Variants in TMEM132B observed in about 807,000 individuals in gnomAD.
TMEM132B encodes the protein transmembrane protein 132B.
A neutral mutation model predicts 90.8 loss-of-function variants in TMEM132B; 18 were observed. The ratio of observed to expected loss-of-function variants is 0.20; its 90% confidence interval spans 0.14 to 0.29. TMEM132B has a LOEUF of 0.29. Ranked by LOEUF, TMEM132B falls within the 10% of genes least tolerant of loss-of-function variation. The pLI is 1.00. For synonymous variants in TMEM132B, 504 were observed against 523.3 expected, an observed-to-expected ratio of 0.96 and a Z score of 0.50; for missense variants, 1,096 against 1,326.8, an observed-to-expected ratio of 0.83 and a Z score of 2.70.
chr12:125,273,779 C>T (rs1226491267), intron 1 of TMEM132B, among the ~76,000 whole-genome samples: 1 of 152,142 alleles, frequency 6.6e-6, no homozygotes, highest in Non-Finnish European at 1.5e-5. Flanking sequence ...GATTCTCCCG[C>T]CTCAGCTTCC....
At position 125,432,397 on chromosome 12, in the gene TMEM132B, ATG is replaced by A. The variant is rs1555248760; in HGVS notation, c.1106+16722_1106+16723del. 5.3e-3 allele frequency among the ~76,000 whole-genome samples: 358 copies of A among 68,186 alleles called. 2 individuals are homozygous for A. The highest frequency in any genetic ancestry group is 7.1e-3 in the Non-Finnish European group (261 of 36,542). The allele number at this position is 68,186 out of a possible 152,430, so 44.7% of individuals were successfully genotyped here. On this transcript the variant is annotated intron_variant, in intron 3 of 8. Coordinates refer to ENST00000682704, the MANE Select transcript of TMEM132B (RefSeq NM_001366854.1). ...TATATATATATATATATATATATAT[ATG>A]TATGTATGTGTATATATATATATGT...
chr12:125,432,740 A>G (rs1162734778), intron 3 of TMEM132B, among the ~76,000 whole-genome samples: 1 of 151,990 alleles, frequency 6.6e-6, no homozygotes, highest in Non-Finnish European at 1.5e-5. Flanking sequence ...ATGAAAACTG[A>G]CAAGCACTGG....
At chr12:125,639,623 A>G (rs760562737) in intron 5 of TMEM132B, among the ~76,000 whole-genome samples, 11 of 152,270 alleles carry the variant, frequency 7.2e-5, no homozygotes, top group Non-Finnish European at 1.6e-4. Flanking sequence ...GAAGTACATT[A>G]TATAACAGAG....
chr12:125,346,298 T>C (rs536260136), intron 1 of TMEM132B, among the ~76,000 whole-genome samples: 4 of 152,364 alleles, frequency 2.6e-5, no homozygotes, highest in African/African-American at 9.6e-5. Context: ...AAACAGAGCA[T>C]ATTAAAGTTT....
intron 2 of TMEM132B, among the ~76,000 whole-genome samples, chr12:125,400,719 G>A (rs1436950372): frequency 6.6e-6 from 1 of 152,218 alleles, no homozygotes; most frequent in East Asian, 1.9e-4. Context: ...TTTATCACAG[G>A]GAAAGTGGTT....
At chr12:125,433,166 T>C (rs1034984330) in intron 3 of TMEM132B, among the ~76,000 whole-genome samples, 1 of 152,222 alleles carries the variant, frequency 6.6e-6, no homozygotes, top group Non-Finnish European at 1.5e-5. Flanking sequence ...TGCTTATTTT[T>C]AAATGTTTTT....
At chr12:125,400,027 C>T (rs997430295) in intron 2 of TMEM132B, among the ~76,000 whole-genome samples, 5 of 152,120 alleles carry the variant, frequency 3.3e-5, no homozygotes, top group South Asian at 2.1e-4. Flanking sequence ...ATTGTAGCTG[C>T]GATGATTGTT....
At chr12:125,560,810 T>A (rs9805032) in intron 4 of TMEM132B, among the ~76,000 whole-genome samples, 1 of 135,108 alleles carries the variant, frequency 7.4e-6, no homozygotes, top group African/African-American at 2.9e-5. Flanking sequence ...CCGGCCTGGG[T>A]GACAGAGCGA....
intron 2 of TMEM132B, among the ~76,000 whole-genome samples, chr12:125,381,652 C>T (rs1878686428): frequency 6.6e-6 from 1 of 152,116 alleles, no homozygotes; most frequent in Non-Finnish European, 1.5e-5. Flanking sequence ...CAGAGCAGTG[C>T]TTCACATGTG....
At chr12:125,620,057 T>A (rs1184044511) in intron 5 of TMEM132B, among the ~76,000 whole-genome samples, 1 of 152,170 alleles carries the variant, frequency 6.6e-6, no homozygotes, top group Admixed American at 6.5e-5. Context: ...CTTAATGGCA[T>A]CTTCAAATGA....
intron 1 of TMEM132B, among the ~76,000 whole-genome samples, chr12:125,206,949 C>T (rs886556569): frequency 1.3e-5 from 2 of 152,176 alleles, no homozygotes; most frequent in Non-Finnish European, 2.9e-5. Flanking sequence ...CGCAGAGGCT[C>T]CTGGGGGAGG....
At chr12:125,274,703 C>T (rs1426783573) in intron 1 of TMEM132B, among the ~76,000 whole-genome samples, 1 of 152,200 alleles carries the variant, frequency 6.6e-6, no homozygotes, top group Non-Finnish European at 1.5e-5. Context: ...TGATCTACAT[C>T]TGCCTTACAT....
intron 1 of TMEM132B, among the ~76,000 whole-genome samples, chr12:125,253,434 CTTT>C (rs1317549570): frequency 6.5e-5 from 9 of 139,054 alleles, no homozygotes; most frequent in Admixed American, 7.2e-5. Context: ...TTCCCCCCCA[CTTT>C]TTTTTTTTTT....
rs758943747 is a variant in TMEM132B, at chr12:125,415,585, C to T, written c.1014C>T (p.Asp338=). Residue 338 remains aspartate, a synonymous_variant, in exon 3 of 9, where the codon GAC becomes GAT. Coordinates refer to ENST00000682704, the MANE Select transcript of TMEM132B (RefSeq NM_001366854.1). This position sits in a 1 kb window ranked among gnomAD's most constrained non-coding sequence, Gnocchi z 5.3. ...KITAVRVSSE[D]QWAVQEEIDN... is the part of the protein sequence containing the mutation. ...CGGCAGTGAGAGTCAGCAGTGAGGA[C>T]CAATGGGCAGTCCAGGAGGAAATTG... 6.2e-7 allele frequency: 1 copy of T among 1,614,176 alleles called. No homozygotes were observed. Among genetic ancestry groups the T allele is most frequent in the Non-Finnish European group, 8.5e-7 (1 of 1,180,040 alleles).
At position 125,450,724 on chromosome 12, in the gene TMEM132B, G is replaced by A. The variant is rs541185119; in HGVS notation, c.1106+35047G>A. 3.3e-5 allele frequency among the ~76,000 whole-genome samples: 5 copies of A among 152,218 alleles called. No homozygotes were observed. In the South Asian group the frequency reaches 6.2e-4, roughly 19 times the overall value. On this transcript the variant is annotated intron_variant, in intron 3 of 8. Transcript: ENST00000682704. ...GTCTCAAAATGTCTCCTAACAGATC[G>A]CTTATTAATTATAAGGGGAAAAAAT...
In TMEM132B at chr12:125,204,991, C is replaced by T. The variant is rs1223868040; in HGVS notation, c.67+18125C>T. ...TCCGTGTACCAGGCACTGTGCTTAG[C>T]TCTTTATGTGGAGTATCTCATGAAT... On this transcript the variant is annotated intron_variant, in intron 1 of 8. Coordinates refer to ENST00000682704, the MANE Select transcript of TMEM132B (RefSeq NM_001366854.1). 5.4e-5 allele frequency among the ~76,000 whole-genome samples: 6 copies of T among 110,142 alleles called. 1 individual carries two copies. The highest frequency in any genetic ancestry group is 2.3e-4 in the African/African-American group (6 of 26,092). The allele number at this position is 110,142 out of a possible 152,430, so 72.3% of individuals were successfully genotyped here. A position where few individuals can be genotyped will look rare whatever the true frequency, so the allele number is the denominator to read the frequency against.
chr12:125,296,505 C>T (rs1158610002), intron 1 of TMEM132B, among the ~76,000 whole-genome samples: 1 of 152,228 alleles, frequency 6.6e-6, no homozygotes, highest in African/African-American at 2.4e-5. Context: ...TGTGACCTGC[C>T]AATTGGGCAC....
At chr12:125,517,262 C>T (rs1883183554) in intron 3 of TMEM132B, among the ~76,000 whole-genome samples, 1 of 150,472 alleles carries the variant, frequency 6.6e-6, no homozygotes, top group African/African-American at 2.4e-5. Context: ...CTGGGTTCAC[C>T]CCATTCTCCT....
At chr12:125,398,539 A>G (rs966835023) in intron 2 of TMEM132B, among the ~76,000 whole-genome samples, 2 of 151,816 alleles carry the variant, frequency 1.3e-5, no homozygotes, top group Admixed American at 6.6e-5. Flanking sequence ...GGTGGGGGGG[A>G]TGTGGTAACT....
Sources: allele counts gnomAD v4.1 joint callset (sites outside exome capture counted in the v4.1 genomes callset), GRCh38; gene constraint gnomAD v4.1.1; non-coding constraint Gnocchi (gnomAD v3.1); transcripts MANE v1.5; gene names NCBI Gene and HGNC (gene_info 2026-07-23, HGNC 2026-07-21).